SNRK: variants seen among roughly 807,000 people sequenced by gnomAD.
The protein encoded by SNRK is SNF related kinase, also known as SNF-related serine/threonine-protein kinase.
SNRK carries 3 observed loss-of-function variants against 48.2 expected under a neutral mutation model. That is an observed-to-expected ratio of 0.06 (90% CI 0.03 to 0.16). The LOEUF is 0.16. Ranked by LOEUF, SNRK falls within the 10% of genes least tolerant of loss-of-function variation. The probability of loss-of-function intolerance (pLI) is 1.00; values close to 1 mark genes in which losing one functional copy is unlikely to be tolerated. For synonymous variants in SNRK, 376 were observed against 366.1 expected (o/e 1.03, Z -0.31); for missense variants, 627 against 976.0 (o/e 0.64, Z 4.76).
rs181569690 is a variant in SNRK, at chr3:43,349,739, A to G, written c.*1182A>G. On this transcript the variant is annotated 3_prime_UTR_variant, in exon 7 of 7. Transcript: ENST00000296088. The stretch of plus-strand genomic sequence containing the variant: ...CTCTTGCTTTAACCTATTCCTGTAC[A>G]AAGACTGTTTTTGACCAGATAATCA... The G allele has an allele frequency of 1.1e-3, 164 of 152,380 alleles. No individual in the cohort carries two copies. The highest frequency in any genetic ancestry group is 3.8e-3 in the African/African-American group (160 of 41,586). The allele number at this position is 152,380 out of a possible 1,614,324, so 9.4% of individuals were successfully genotyped here.
chr3:43,309,340 T>C (rs557668602), intron 3 of SNRK, among the ~76,000 whole-genome samples: 13 of 152,268 alleles, frequency 8.5e-5, no homozygotes, highest in African/African-American at 3.1e-4. Flanking sequence ...TTTGAGAGAA[T>C]TGACTTCAGT....
intron 3 of SNRK, among the ~76,000 whole-genome samples, chr3:43,327,071 A>G (rs552577515): frequency 1.3e-5 from 2 of 152,276 alleles, no homozygotes; most frequent in East Asian, 3.9e-4. Context: ...TACTTTTGGA[A>G]TGCTTTCTAG....
intron 1 of SNRK, among the ~76,000 whole-genome samples, chr3:43,288,649 G>A (rs772351503): frequency 2.0e-5 from 3 of 152,160 alleles, no homozygotes; most frequent in Non-Finnish European, 2.9e-5. Flanking sequence ...GTATAAATAA[G>A]ACATGATTTC....
chr3:43,298,970 G>A (rs1295207208), intron 1 of SNRK, among the ~76,000 whole-genome samples: 4 of 152,110 alleles, frequency 2.6e-5, no homozygotes, highest in South Asian at 2.1e-4. Context: ...CTGCTATAGC[G>A]TGAGGGTTTC....
At chr3:43,316,820 C>T (rs2091016766) in intron 3 of SNRK, among the ~76,000 whole-genome samples, 1 of 151,854 alleles carries the variant, frequency 6.6e-6, no homozygotes, top group Admixed American at 6.6e-5. Context: ...TTTCCTCTTC[C>T]CTGAGGAGCC....
chr3:43,339,334 T>G (rs2091214790), intron 4 of SNRK, among the ~76,000 whole-genome samples: 1 of 152,168 alleles, frequency 6.6e-6, no homozygotes, highest in Admixed American at 6.5e-5. Context: ...CTGTCTACCT[T>G]CAGTAGGCCT....
intron 5 of SNRK, among the ~76,000 whole-genome samples, chr3:43,342,646 C>T (rs993702423): frequency 2.6e-5 from 4 of 152,314 alleles, no homozygotes; most frequent in East Asian, 1.9e-4. Context: ...AGCCAAAGCA[C>T]ACTCCTAGTA....
intron 3 of SNRK, among the ~76,000 whole-genome samples, chr3:43,307,529 CATT>C (rs925036710): frequency 2.0e-5 from 3 of 152,136 alleles, no homozygotes; most frequent in African/African-American, 7.2e-5. Context: ...TAAACTTTGT[CATT>C]ATTTATTTTT....
At chr3:43,327,497 A>G (rs1343241648) in intron 3 of SNRK, among the ~76,000 whole-genome samples, 1 of 152,196 alleles carries the variant, frequency 6.6e-6, no homozygotes, top group Non-Finnish European at 1.5e-5. Flanking sequence ...ATTTATGGCT[A>G]TACTGATAAA....
At chr3:43,346,367 G>A (rs2091275975) in intron 6 of SNRK, among the ~76,000 whole-genome samples, 1 of 152,138 alleles carries the variant, frequency 6.6e-6, no homozygotes, top group Admixed American at 6.5e-5. Context: ...ATAACTATAT[G>A]ACTATACCCC....
At chr3:43,326,489 G>A (rs964745317) in intron 3 of SNRK, among the ~76,000 whole-genome samples, 1 of 152,130 alleles carries the variant, frequency 6.6e-6, no homozygotes, top group African/African-American at 2.4e-5. Flanking sequence ...TGCTCAAGGA[G>A]CTCCAAGTAT....
At chr3:43,331,548 G>T (rs929265477) in intron 3 of SNRK, among the ~76,000 whole-genome samples, 1 of 152,124 alleles carries the variant, frequency 6.6e-6, no homozygotes, top group Admixed American at 6.5e-5. Context: ...TATTGTAACG[G>T]CTCCATTGAG....
In SNRK at chr3:43,347,408, C is replaced by G; in HGVS notation, c.1149C>G (p.Ser383=). 1 of 1,613,256 alleles carries G rather than the reference C, an allele frequency of 6.2e-7. No homozygotes were observed. The highest frequency in any genetic ancestry group is 8.5e-7 in the Non-Finnish European group (1 of 1,179,538). ...ATGACCTCACGGCCACTCCTTTGTCCCACGCGACTGTCCCTCAGTCTCCTG... is the reference window on the plus strand; with the variant it reads ...ATGACCTCACGGCCACTCCTTTGTCGCACGCGACTGTCCCTCAGTCTCCTG... ...LEDDLTATPL[S]HATVPQSPAR... Residue 383 remains serine (S), a synonymous_variant, in exon 7 of 7, where the codon TCC becomes TCG. Transcript: ENST00000296088. The surrounding 1 kb of genome is among the most constrained non-coding windows in gnomAD (Gnocchi z 5.4).
chr3:43,300,042 T>A (rs2090887135), intron 2 of SNRK, among the ~76,000 whole-genome samples: 1 of 152,206 alleles, frequency 6.6e-6, no homozygotes, highest in Admixed American at 6.5e-5. Context: ...TCGTCTAAAC[T>A]TTCAGTTAAT....
intron 1 of SNRK, among the ~76,000 whole-genome samples, chr3:43,286,898 TGGCGGCGG>T (rs1282492159): frequency 7.1e-6 from 1 of 140,654 alleles, no homozygotes; most frequent in Non-Finnish European, 1.6e-5. Context: ...CGGCGCGGCC[TGGCGGCGG>T]GGCGGCGGCG....
intron 4 of SNRK, among the ~76,000 whole-genome samples, 187 bp from the exon 5 acceptor site, chr3:43,340,100 G>T (rs989929200): frequency 1.3e-5 from 2 of 151,692 alleles, no homozygotes; most frequent in Non-Finnish European, 2.9e-5. Context: ...GTACCTGGAG[G>T]TTGTGATTTT....
intron 1 of SNRK, among the ~76,000 whole-genome samples, chr3:43,294,517 G>T (rs1375966630): frequency 6.6e-6 from 1 of 152,124 alleles, no homozygotes; most frequent in South Asian, 2.1e-4. Flanking sequence ...GTGGTGTCTT[G>T]TTGGCACTGA....
intron 3 of SNRK, among the ~76,000 whole-genome samples, chr3:43,310,485 ATACT>A (rs748814579): frequency 9.9e-5 from 15 of 152,020 alleles, no homozygotes; most frequent in South Asian, 2.1e-4. Context: ...TCTGTAATAA[ATACT>A]TACTTTTTAC....
intron 3 of SNRK, among the ~76,000 whole-genome samples, chr3:43,306,006 T>TC (rs1267957268): frequency 3.3e-5 from 5 of 151,720 alleles, no homozygotes; most frequent in Non-Finnish European, 7.4e-5. Context: ...TCCTTTTTCT[T>TC]CCCCCCTTAT....
Sources: allele counts gnomAD v4.1 joint callset (sites outside exome capture counted in the v4.1 genomes callset), GRCh38; gene constraint gnomAD v4.1.1; non-coding constraint Gnocchi (gnomAD v3.1); transcripts MANE v1.5; gene names NCBI Gene and HGNC (gene_info 2026-07-23, HGNC 2026-07-21).